Variants in HIVEP3 observed in about 807,000 individuals in gnomAD.
HIVEP3 encodes the protein HIVEP zinc finger 3, also known as transcription factor HIVEP3.
A neutral mutation model predicts 152.8 loss-of-function variants in HIVEP3; 49 were observed. The ratio of observed to expected loss-of-function variants is 0.32; its 90% CI spans 0.26 to 0.41. The LOEUF is 0.41. Among genes scored for constraint, HIVEP3 ranks in the 10% least tolerant of loss-of-function variants. The pLI is 1.00. For missense variants in HIVEP3, 2,790 were observed against 3,103.3 expected, an observed-to-expected ratio of 0.90 and a Z score of 2.40; for synonymous variants, 1,269 against 1,289.0, an observed-to-expected ratio of 0.98 and a Z score of 0.33.
At chr1:41,901,305 T>C (rs1644618569) in intron 1 of HIVEP3, among the ~76,000 whole-genome samples, 1 of 151,966 alleles carries the variant, frequency 6.6e-6, no homozygotes, top group African/African-American at 2.4e-5. Flanking sequence ...GTGTGTTGAG[T>C]CATCTAAGTG....
chr1:41,741,058 A>G (rs978484542), intron 1 of HIVEP3, among the ~76,000 whole-genome samples: 4 of 152,142 alleles, frequency 2.6e-5, no homozygotes, highest in Non-Finnish European at 4.4e-5. Flanking sequence ...AAACATTTTC[A>G]CATGTGGTAT....
At chr1:41,529,440 C>G (rs1249877033) in intron 5 of HIVEP3, among the ~76,000 whole-genome samples, 2 of 112,020 alleles carry the variant, frequency 1.8e-5, no homozygotes, top group Admixed American at 8.6e-5. Flanking sequence ...CACACATGCT[C>G]ACACCCCACA....
At chr1:41,614,478 A>G (rs1242275775) in intron 3 of HIVEP3, among the ~76,000 whole-genome samples, 1 of 152,210 alleles carries the variant, frequency 6.6e-6, no homozygotes, top group Non-Finnish European at 1.5e-5. Context: ...GCAGGGCTTC[A>G]GTTCCTCGTA....
chr1:41,527,729 C>T (rs1326949069), intron 5 of HIVEP3, among the ~76,000 whole-genome samples: 1 of 149,054 alleles, frequency 6.7e-6, no homozygotes, highest in Admixed American at 6.7e-5. Flanking sequence ...CTCACCCTCA[C>T]ACATGCACCC....
chr1:41,786,873 TC>T (rs1383375349), intron 1 of HIVEP3, among the ~76,000 whole-genome samples: 1 of 151,482 alleles, frequency 6.6e-6, no homozygotes, highest in African/African-American at 2.4e-5. Context: ...TGCCTCAGAC[TC>T]CCCGGTAGCT....
intron 1 of HIVEP3, among the ~76,000 whole-genome samples, chr1:41,937,354 A>C (rs1645024845): frequency 6.6e-6 from 1 of 152,230 alleles, no homozygotes; most frequent in Non-Finnish European, 1.5e-5. Flanking sequence ...CAAGGTGGTC[A>C]CAGGACTCTT....
At chr1:42,029,404 C>A (rs528951310) in intron 1 of HIVEP3, among the ~76,000 whole-genome samples, 11 of 152,248 alleles carry the variant, frequency 7.2e-5, no homozygotes, top group South Asian at 6.2e-4. Flanking sequence ...TTATTCTTAA[C>A]CTCTCCAAAC....
intron 1 of HIVEP3, among the ~76,000 whole-genome samples, chr1:41,779,271 G>T (rs1296777469): frequency 3.3e-5 from 5 of 152,214 alleles, no homozygotes; most frequent in Non-Finnish European, 7.3e-5. Flanking sequence ...GGGCTTTGGA[G>T]TCAGGCTGCC....
At chr1:41,977,293 A>G (rs1175937852) in intron 1 of HIVEP3, among the ~76,000 whole-genome samples, 1 of 152,076 alleles carries the variant, frequency 6.6e-6, no homozygotes, top group Non-Finnish European at 1.5e-5. Flanking sequence ...GGCTCCTCCA[A>G]CTCCACAAGC....
intron 1 of HIVEP3, among the ~76,000 whole-genome samples, chr1:42,003,661 T>C (rs868674018): frequency 3.9e-5 from 6 of 152,064 alleles, no homozygotes; most frequent in East Asian, 1.9e-4. Flanking sequence ...AACCAGGCCA[T>C]TGAGTTCAAG....
chr1:41,695,140 G>A (rs1646253399), intron 2 of HIVEP3, among the ~76,000 whole-genome samples: 2 of 152,224 alleles, frequency 1.3e-5, no homozygotes, highest in African/African-American at 2.4e-5. Context: ...CAGGCAGGGG[G>A]CACATCACAC....
chr1:41,638,481 C>T (rs542111444), intron 2 of HIVEP3, among the ~76,000 whole-genome samples: 2 of 152,266 alleles, frequency 1.3e-5, no homozygotes, highest in East Asian at 3.9e-4. Context: ...GGGTGCATAA[C>T]TTTTTGAATG....
chr1:42,004,948 G>T (rs1645449943), intron 1 of HIVEP3, among the ~76,000 whole-genome samples: 1 of 152,204 alleles, frequency 6.6e-6, no homozygotes, highest in African/African-American at 2.4e-5. Flanking sequence ...AAATATGTCT[G>T]TCGCCTAGTT....
chr1:41,510,665 C>A lies in HIVEP3; in HGVS notation c.7007G>T (p.Arg2336Leu). 1 of 1,526,342 alleles carries A rather than the reference C, an allele frequency of 6.6e-7. No individual in the cohort carries two copies. Among genetic ancestry groups the A allele is most frequent in the Non-Finnish European group, 8.8e-7 (1 of 1,135,360 alleles). The allele number at this position is 1,526,342 out of a possible 1,614,324, so 94.5% of individuals were successfully genotyped here. A position where few individuals can be genotyped will look rare whatever the true frequency, so the allele number is the denominator to read the frequency against. Residue 2336 changes from arginine to leucine, a missense_variant, in exon 9 of 9, where the codon CGT (arginine) becomes CTT (leucine). By Grantham distance (102) the Arg-to-Leu change is moderately radical. Coordinates refer to ENST00000372583, the MANE Select transcript of HIVEP3 (RefSeq NM_024503.5). ...QSWSPRLESP[R>L]APTNPEPSAT... ...AGAAGGCTCGGGGTTGGTCGGTGCA[C>A]GCGGGGACTCCAAGCGGGGGCTCCA...
intron 1 of HIVEP3, among the ~76,000 whole-genome samples, chr1:42,016,349 T>C (rs552427019): frequency 1.3e-5 from 2 of 152,276 alleles, no homozygotes; most frequent in African/African-American, 4.8e-5. Context: ...ATGCTTTCAT[T>C]AGGAGTTTGA....
chr1:41,645,114 T>C (rs1488108602), intron 2 of HIVEP3, among the ~76,000 whole-genome samples: 1 of 151,974 alleles, frequency 6.6e-6, no homozygotes, highest in Non-Finnish European at 1.5e-5. Flanking sequence ...CAGAGAATCC[T>C]TGGTTTTGAA....
chr1:42,000,675 C>A (rs986361799), intron 1 of HIVEP3, among the ~76,000 whole-genome samples: 3 of 152,156 alleles, frequency 2.0e-5, no homozygotes, highest in African/African-American at 7.2e-5. Context: ...AGTTCTCCTG[C>A]AATATACAAT....
chr1:41,918,082 C>G lies in HIVEP3; in HGVS notation c.-801+331G>C, dbSNP rs1644900078. Among the ~76,000 whole-genome samples, 1 of 152,178 alleles carries G rather than the reference C, an allele frequency of 6.6e-6. No homozygotes were observed. Among genetic ancestry groups the G allele is most frequent in the Non-Finnish European group, 1.5e-5 (1 of 68,024 alleles). On this transcript the variant is annotated intron_variant, in intron 1 of 8. Transcript: ENST00000372583. The surrounding 1 kb of genome is among the most constrained non-coding windows in gnomAD (Gnocchi z 4.3). ...GAGCCTGCTGCAAGCAGCGCTGGAG[C>G]GCACGGCGCGCATAGGGTTACAGCC...
chr1:41,999,263 TAAACA>T (rs551811523), intron 1 of HIVEP3, among the ~76,000 whole-genome samples: 102 of 152,120 alleles, frequency 6.7e-4, no homozygotes, highest in African/African-American at 2.4e-3. Context: ...ATAAACCAAC[TAAACA>T]AAAAAGTTAA....
Sources: gnomAD v4.1 joint callset for allele counts (sites outside exome capture counted in the v4.1 genomes callset) on GRCh38, gnomAD v4.1.1 for gene constraint, Gnocchi (gnomAD v3.1) non-coding constraint, MANE v1.5 for transcripts, NCBI Gene and HGNC (gene_info 2026-07-23, HGNC 2026-07-21) for gene names.